Variants in UNC13C observed in about 807,000 individuals in gnomAD.
UNC13C encodes protein unc-13 homolog C.
Under a neutral mutation model 245.4 loss-of-function variants are expected in UNC13C, and 174 were observed. The observed-to-expected ratio is 0.71, with a 90% CI of 0.63 to 0.80. UNC13C has a LOEUF of 0.80. UNC13C is among the 30% of genes least tolerant of loss of function. UNC13C has a pLI of 0.00. For synonymous variants in UNC13C, 992 were observed against 895.1 expected (o/e 1.11, Z -1.93); for missense variants, 2,829 against 2,602.9 (o/e 1.09, Z -1.89).
chr15:54,454,973 C>A (rs543489686), intron 19 of UNC13C, among the ~76,000 whole-genome samples: 1 of 151,396 alleles, frequency 6.6e-6, no homozygotes, highest in Non-Finnish European at 1.5e-5. Context: ...CCACCCTTGC[C>A]CCCAAGTCTC....
intron 1 of UNC13C, among the ~76,000 whole-genome samples, chr15:54,005,907 A>T (rs975438493): frequency 6.6e-6 from 1 of 152,190 alleles, no homozygotes; most frequent in African/African-American, 2.4e-5. Flanking sequence ...ATTAGATGGG[A>T]TATTTAAGGG....
At chr15:54,383,445 A>G (rs1023522050) in intron 17 of UNC13C, among the ~76,000 whole-genome samples, 7 of 152,326 alleles carry the variant, frequency 4.6e-5, no homozygotes, top group Admixed American at 1.3e-4. Flanking sequence ...CCATAGGATT[A>G]TCACAATAGA....
chr15:54,484,535 C>G (rs199871612), intron 19 of UNC13C, among the ~76,000 whole-genome samples: 2 of 143,474 alleles, frequency 1.4e-5, no homozygotes, highest in African/African-American at 4.9e-5. Context: ...AAGTAAATAA[C>G]TATTCCTGCC....
the UNC13C span, chr15:53,948,357 C>T: frequency 1.3e-5 from 2 of 152,106 alleles, no homozygotes; most frequent in Non-Finnish European, 2.9e-5. Flanking sequence ...AGGCTCATGC[C>T]TATAATCCCA....
intron 14 of UNC13C, among the ~76,000 whole-genome samples, chr15:54,323,404 T>A (rs1046022513): frequency 5.3e-5 from 8 of 152,066 alleles, no homozygotes; most frequent in Non-Finnish European, 7.4e-5. Flanking sequence ...TCACTTTTTG[T>A]TGAAATTTAG....
intron 25 of UNC13C, among the ~76,000 whole-genome samples, chr15:54,528,797 T>C (rs1895604948): frequency 6.6e-6 from 1 of 152,196 alleles, no homozygotes; most frequent in South Asian, 2.1e-4. Context: ...GACCCCGTGG[T>C]AAATCAACTA....
At chr15:54,582,305 T>C (rs931909701) in intron 30 of UNC13C, among the ~76,000 whole-genome samples, 2 of 151,874 alleles carry the variant, frequency 1.3e-5, no homozygotes, top group African/African-American at 4.8e-5. Context: ...CTGACGAAAG[T>C]GTGGAAGCTT....
At chr15:54,271,907 A>G (rs539670302) in intron 10 of UNC13C, among the ~76,000 whole-genome samples, 1 of 152,330 alleles carries the variant, frequency 6.6e-6, no homozygotes, top group East Asian at 1.9e-4. Context: ...TATCCATTTA[A>G]TTCCACCTAA....
chr15:54,039,626 A>G (rs1220520358), intron 2 of UNC13C, among the ~76,000 whole-genome samples: 2 of 149,216 alleles, frequency 1.3e-5, no homozygotes, highest in African/African-American at 5.0e-5. Flanking sequence ...ATATTTTCCT[A>G]CTTACACTGG....
At chr15:54,583,565 G>T (rs1260917001) in intron 30 of UNC13C, among the ~76,000 whole-genome samples, 1 of 152,136 alleles carries the variant, frequency 6.6e-6, no homozygotes, top group Non-Finnish European at 1.5e-5. Flanking sequence ...AACCAAAGGG[G>T]TTATTTCCAA....
chr15:53,980,118 A>G (rs1199133424), intron 1 of UNC13C, among the ~76,000 whole-genome samples: 1 of 152,318 alleles, frequency 6.6e-6, no homozygotes, highest in East Asian at 1.9e-4. Flanking sequence ...CAATAGAGGT[A>G]AGTGGGCTTT....
the UNC13C span, among the ~76,000 whole-genome samples, chr15:53,922,035 C>G: frequency 6.6e-6 from 1 of 152,090 alleles, no homozygotes; most frequent in Non-Finnish European, 1.5e-5. Flanking sequence ...TTTTCTGAAA[C>G]TTTTGTTTCA....
the UNC13C span, among the ~76,000 whole-genome samples, chr15:53,865,390 G>A: frequency 3.3e-5 from 5 of 152,150 alleles, no homozygotes; most frequent in Non-Finnish European, 5.9e-5. Flanking sequence ...GGTTTTTCCT[G>A]AGGCCTCTCT....
chr15:54,336,462 C>T (rs868628424), intron 16 of UNC13C, among the ~76,000 whole-genome samples: 11 of 150,860 alleles, frequency 7.3e-5, no homozygotes, highest in African/African-American at 2.7e-4. Flanking sequence ...TCTCATATAG[C>T]AAGTTTTTAA....
chr15:54,100,156 T>C (rs1595854578), intron 2 of UNC13C, among the ~76,000 whole-genome samples: 1 of 151,170 alleles, frequency 6.6e-6, no homozygotes, highest in African/African-American at 2.4e-5. Flanking sequence ...CTCCTCCAAG[T>C]ACCTTATTTC....
intron 1 of UNC13C, among the ~76,000 whole-genome samples, chr15:54,007,618 G>A (rs1006388621): frequency 1.3e-5 from 2 of 152,168 alleles, no homozygotes; most frequent in African/African-American, 4.8e-5. Context: ...TGCAGGGTGG[G>A]TTGTGGGGAG....
At chr15:54,052,639 A>G (rs1329154198) in intron 2 of UNC13C, among the ~76,000 whole-genome samples, 1 of 152,236 alleles carries the variant, frequency 6.6e-6, no homozygotes, top group Non-Finnish European at 1.5e-5. Flanking sequence ...CGAAGAAAGG[A>G]TGGCTTTCCA....
intron 23 of UNC13C, among the ~76,000 whole-genome samples, chr15:54,511,128 C>T (rs984719196): frequency 2.0e-5 from 3 of 151,936 alleles, no homozygotes; most frequent in African/African-American, 4.8e-5. Flanking sequence ...TGAAAAGCAA[C>T]TCAAATGTAA....
At chr15:53,909,557 T>A in the UNC13C span, among the ~76,000 whole-genome samples, 4 of 145,952 alleles carry the variant, frequency 2.7e-5, 1 homozygote, top group Non-Finnish European at 6.1e-5. Context: ...ATCGAGAGCA[T>A]CCTGGCCAAC....
Sources: gnomAD v4.1 joint callset for allele counts (sites outside exome capture counted in the v4.1 genomes callset) on GRCh38, gnomAD v4.1.1 for gene constraint, MANE v1.5 for transcripts, NCBI Gene and HGNC (gene_info 2026-07-23, HGNC 2026-07-21) for gene names.